TBC1D2B: variants seen among roughly 807,000 people sequenced by gnomAD.
TBC1D2B encodes the protein TBC1 domain family member 2B.
A neutral mutation model predicts 100.8 loss-of-function variants in TBC1D2B; 64 were observed. The ratio of observed to expected loss-of-function variants is 0.64; its 90% CI spans 0.52 to 0.78. The LOEUF is 0.78. TBC1D2B is among the 30% of genes least tolerant of loss of function. TBC1D2B has a pLI of 0.00. For synonymous variants in TBC1D2B, 480 were observed against 479.7 expected (o/e 1.00, Z -0.01); for missense variants, 1,052 against 1,218.4 (o/e 0.86, Z 2.03).
intron 1 of TBC1D2B, among the ~76,000 whole-genome samples, chr15:78,058,384 T>C (rs2073470695): frequency 6.6e-6 from 1 of 152,194 alleles, no homozygotes; most frequent in African/African-American, 2.4e-5. Context: ...ATAACTTCTC[T>C]CTTTAAACAG....
Position 78,013,056 on chromosome 15 carries a change from G to GT in TBC1D2B, c.2036dup (p.His679GlnfsTer10). 6.2e-7 allele frequency: 1 copy of GT among 1,614,016 alleles called. No homozygotes were observed. Among genetic ancestry groups the GT allele is most frequent in the Non-Finnish European group, 8.5e-7 (1 of 1,179,902 alleles). On this transcript the variant is annotated frameshift_variant, in exon 9 of 13. Transcript: ENST00000300584. LOFTEE classifies it high-confidence loss of function. ...CAGTGTTGTCCTTGAACTTCCTGGTGTGACGGTCCACACACCACTTCCACA... is the reference window on the plus strand; with the variant it reads ...CAGTGTTGTCCTTGAACTTCCTGGTGTTGACGGTCCACACACCACTTCCACA...
intron 1 of TBC1D2B, among the ~76,000 whole-genome samples, chr15:78,058,825 A>G (rs1035821567): frequency 6.6e-6 from 1 of 152,194 alleles, no homozygotes; most frequent in African/African-American, 2.4e-5. Context: ...AGAGCTCCAC[A>G]GATCAGCAGA....
intron 1 of TBC1D2B, among the ~76,000 whole-genome samples, chr15:78,058,346 G>A (rs1358227437): frequency 4.6e-5 from 7 of 152,174 alleles, no homozygotes; most frequent in Admixed American, 2.0e-4. Flanking sequence ...CAACACCATT[G>A]CCCTTCTACA....
chr15:78,048,422 A>C (rs778549909), intron 2 of TBC1D2B, among the ~76,000 whole-genome samples: 1 of 152,176 alleles, frequency 6.6e-6, no homozygotes, highest in African/African-American at 2.4e-5. Context: ...GGAAAACACA[A>C]ACTAGGACAT....
At chr15:78,076,699 C>T (rs1274103188) in intron 1 of TBC1D2B, among the ~76,000 whole-genome samples, 1 of 152,048 alleles carries the variant, frequency 6.6e-6, no homozygotes, top group Non-Finnish European at 1.5e-5. Context: ...TGCAGTGAGC[C>T]GAGATCGCAC....
At position 78,003,491 on chromosome 15, in the gene TBC1D2B, C is replaced by A; in HGVS notation, c.2389-1G>T. ...GGTCTCTGAACACCCGCTGGTCCAC[C>A]TGGAGAGGGAACAAAGGGGAGAAGT... On this transcript the variant is annotated splice_acceptor_variant, in intron 10 of 12. Transcript: ENST00000300584. LOFTEE classifies it high-confidence loss of function. 1 of 1,604,654 alleles carries A rather than the reference C, an allele frequency of 6.2e-7. No individual in the cohort carries two copies.
intron 12 of TBC1D2B, 104 bp downstream of exon 12, chr15:78,001,515 G>T: frequency 7.3e-7 from 1 of 1,374,416 alleles, no homozygotes; most frequent in South Asian, 1.5e-5. Context: ...ACTGTACACC[G>T]GGGATGGCTC....
chr15:78,040,858 G>GGAAGA (rs1358644673), intron 3 of TBC1D2B, among the ~76,000 whole-genome samples: 2 of 135,272 alleles, frequency 1.5e-5, no homozygotes, highest in Non-Finnish European at 3.2e-5. Flanking sequence ...AAGAAAGGAA[G>GGAAGA]AAAGAAAGAA....
chr15:78,077,530 C>A lies in TBC1D2B; in HGVS notation c.123G>T (p.Leu41=), dbSNP rs1596335477. The A allele has an allele frequency of 6.6e-7, 1 of 1,517,438 alleles. No homozygotes were observed. The highest frequency in any genetic ancestry group is 8.8e-7 in the Non-Finnish European group (1 of 1,133,162). 94.0% of individuals were successfully genotyped at this position (1,517,438 alleles called of 1,614,324 possible). Residue 41 remains leucine, a synonymous_variant, in exon 1 of 13, where the codon CTG becomes CTT. Transcript: ENST00000300584. ...AREPARLCGY[L]QKLSGKGPLR... The stretch of plus-strand genomic sequence containing the variant: ...GGGGGCCCTTGCCCGACAGCTTCTG[C>A]AGATAGCCACACAGCCGCGCTGGCT...
At chr15:78,058,148 T>C (rs2073464876) in intron 1 of TBC1D2B, among the ~76,000 whole-genome samples, 1 of 152,216 alleles carries the variant, frequency 6.6e-6, no homozygotes, top group Admixed American at 6.5e-5. Context: ...TGTGGCTCAT[T>C]GAAAATTTAA....
chr15:78,018,121 C>T (rs1011006187), intron 6 of TBC1D2B, among the ~76,000 whole-genome samples, 164 bp from the exon 7 acceptor site: 4 of 152,140 alleles, frequency 2.6e-5, no homozygotes, highest in Admixed American at 6.5e-5. Context: ...CCTAATTAAT[C>T]TTTTTGGCCA....
intron 1 of TBC1D2B, among the ~76,000 whole-genome samples, chr15:78,067,161 G>C (rs1221858148): frequency 6.6e-6 from 1 of 152,232 alleles, no homozygotes; most frequent in Admixed American, 6.5e-5. Context: ...GAAGGTTTCA[G>C]TGGTAGGGTA....
intron 2 of TBC1D2B, among the ~76,000 whole-genome samples, chr15:78,046,083 C>T (rs1415722242): frequency 6.6e-6 from 1 of 152,094 alleles, no homozygotes; most frequent in African/African-American, 2.4e-5. Context: ...AGGCACCCAG[C>T]ACCACACCTG....
intron 7 of TBC1D2B, chr15:78,017,012 G>C: frequency 3.1e-6 from 1 of 317,508 alleles, no homozygotes; most frequent in Non-Finnish European, 5.8e-6. Context: ...GAGGTGGAGA[G>C]AGCAGCAGGA....
In TBC1D2B at chr15:77,998,099, A is replaced by C; in HGVS notation, c.*61T>G. 1 of 1,426,292 alleles carries C rather than the reference A, an allele frequency of 7.0e-7. No individual in the cohort carries two copies. Among genetic ancestry groups the C allele is most frequent in the Non-Finnish European group, 9.3e-7 (1 of 1,076,050 alleles). The allele number at this position is 1,426,292 out of a possible 1,614,324, so 88.4% of individuals were successfully genotyped here. A position where few individuals can be genotyped will look rare whatever the true frequency, so the allele number is the denominator to read the frequency against. On this transcript the variant is annotated 3_prime_UTR_variant, in exon 13 of 13. Coordinates refer to ENST00000300584, the MANE Select transcript of TBC1D2B (RefSeq NM_144572.2). ...ACGTTACATTCTGGCTTTTAAGTGC[A>C]CTTTCACCCTTTGGGCACACTTTGG...
intron 3 of TBC1D2B, among the ~76,000 whole-genome samples, chr15:78,044,023 T>TTAA (rs1475175290): frequency 9.2e-6 from 1 of 108,472 alleles, no homozygotes; most frequent in African/African-American, 2.9e-5. Flanking sequence ...AGACCTTATC[T>TTAA]TAAAAAAAAA....
At chr15:78,049,878 T>TG (rs2073275319) in intron 2 of TBC1D2B, among the ~76,000 whole-genome samples, 1 of 152,184 alleles carries the variant, frequency 6.6e-6, no homozygotes, top group South Asian at 2.1e-4. Flanking sequence ...GCTTTACAGA[T>TG]GGGGAAATTA....
chr15:78,051,475 G>A (rs369817380), intron 2 of TBC1D2B, among the ~76,000 whole-genome samples: 2 of 152,146 alleles, frequency 1.3e-5, no homozygotes, highest in Non-Finnish European at 2.9e-5. Context: ...CAGGCCCACA[G>A]GGCTTCTTCC....
intron 2 of TBC1D2B, among the ~76,000 whole-genome samples, chr15:78,053,208 C>T (rs896046105): frequency 4.6e-5 from 7 of 152,150 alleles, no homozygotes; most frequent in Admixed American, 3.9e-4. Context: ...AGCAGAGGGT[C>T]CCACGGGTTT....
Sources: allele counts gnomAD v4.1 joint callset (sites outside exome capture counted in the v4.1 genomes callset), GRCh38; gene constraint gnomAD v4.1.1; transcripts MANE v1.5; gene names NCBI Gene and HGNC (gene_info 2026-07-23, HGNC 2026-07-21).